Variants in ENTREP2 observed in about 807,000 individuals in gnomAD.
The protein encoded by ENTREP2 is protein ENTREP2.
the ENTREP2 span, among the ~76,000 whole-genome samples, chr15:29,594,514 A>G: frequency 2.6e-5 from 4 of 152,094 alleles, no homozygotes; most frequent in Admixed American, 2.6e-4. Flanking sequence ...CTATTAAACT[A>G]TAAGAATCGA....
At chr15:29,327,117 A>G in the ENTREP2 span, among the ~76,000 whole-genome samples, 1 of 152,192 alleles carries the variant, frequency 6.6e-6, no homozygotes, top group Non-Finnish European at 1.5e-5. Flanking sequence ...AAGTTCTTTA[A>G]GAAAACACAG....
the ENTREP2 span, among the ~76,000 whole-genome samples, chr15:29,178,215 G>T: frequency 1.3e-5 from 2 of 151,034 alleles, no homozygotes; most frequent in African/African-American, 4.9e-5. Context: ...GATGGCTGGA[G>T]CCTGGGAGGT....
chr15:29,335,018 G>C, the ENTREP2 span, among the ~76,000 whole-genome samples: 1 of 152,118 alleles, frequency 6.6e-6, no homozygotes, highest in Non-Finnish European at 1.5e-5. Flanking sequence ...CCAGCCAACA[G>C]TGGGAACCAA....
the ENTREP2 span, among the ~76,000 whole-genome samples, chr15:29,625,428 C>A: frequency 6.6e-6 from 1 of 152,198 alleles, no homozygotes; most frequent in African/African-American, 2.4e-5. Context: ...TGAAGTCTGG[C>A]TCTGTCGCTC....
At chr15:29,326,455 T>G in the ENTREP2 span, among the ~76,000 whole-genome samples, 1 of 152,094 alleles carries the variant, frequency 6.6e-6, no homozygotes, top group Non-Finnish European at 1.5e-5. Flanking sequence ...AAATTTAAAA[T>G]GTACCATTAA....
At chr15:29,562,324 G>C in the ENTREP2 span, among the ~76,000 whole-genome samples, 1 of 152,200 alleles carries the variant, frequency 6.6e-6, no homozygotes. Flanking sequence ...TTCCTAATTT[G>C]GAGAGGTTTA....
At chr15:29,528,282 G>A in the ENTREP2 span, among the ~76,000 whole-genome samples, 1 of 150,840 alleles carries the variant, frequency 6.6e-6, no homozygotes, top group Non-Finnish European at 1.5e-5. Context: ...ATCAAGATTT[G>A]TAAAACCTCA....
chr15:29,197,180 A>G, the ENTREP2 span, among the ~76,000 whole-genome samples: 1 of 152,240 alleles, frequency 6.6e-6, no homozygotes. Flanking sequence ...GAAGAAAAAA[A>G]TGCATTTCAA....
At chr15:29,403,771 T>C in the ENTREP2 span, among the ~76,000 whole-genome samples, 1 of 152,330 alleles carries the variant, frequency 6.6e-6, no homozygotes, top group South Asian at 2.1e-4. Context: ...CTCCCATTCC[T>C]GACTTAGCCC....
At chr15:29,217,856 T>A in the ENTREP2 span, among the ~76,000 whole-genome samples, 1 of 152,184 alleles carries the variant, frequency 6.6e-6, no homozygotes, top group Non-Finnish European at 1.5e-5. Context: ...GTTTTCTGAT[T>A]CCTTCTCATT....
the ENTREP2 span, among the ~76,000 whole-genome samples, chr15:29,611,769 T>C: frequency 2.0e-5 from 3 of 152,184 alleles, no homozygotes; most frequent in Non-Finnish European, 4.4e-5. Context: ...GTTCGGTGAA[T>C]GAATGAAGCC....
the ENTREP2 span, among the ~76,000 whole-genome samples, chr15:29,446,736 C>G: frequency 6.6e-6 from 1 of 152,228 alleles, no homozygotes; most frequent in Non-Finnish European, 1.5e-5. Context: ...CCAAACAGGT[C>G]TCCCTGTGGA....
At chr15:29,592,248 CA>C in the ENTREP2 span, among the ~76,000 whole-genome samples, 1 of 152,200 alleles carries the variant, frequency 6.6e-6, no homozygotes, top group East Asian at 1.9e-4. Context: ...TCATCTGTGC[CA>C]AAATCAGGCA....
chr15:29,444,481 TTTC>T, the ENTREP2 span, among the ~76,000 whole-genome samples: 4 of 151,170 alleles, frequency 2.6e-5, no homozygotes, highest in African/African-American at 9.7e-5. Context: ...TTTTCTTTTT[TTTC>T]TTTTTTTTTT....
chr15:29,125,382 G>A, the ENTREP2 span, among the ~76,000 whole-genome samples: 5 of 152,292 alleles, frequency 3.3e-5, no homozygotes, highest in African/African-American at 7.2e-5. Flanking sequence ...AGAGATGACC[G>A]CAGCCAGGGA....
chr15:29,663,494 A>C, the ENTREP2 span, among the ~76,000 whole-genome samples: 1 of 152,234 alleles, frequency 6.6e-6, no homozygotes, highest in Non-Finnish European at 1.5e-5. Context: ...CTGGATTAAG[A>C]AAATGTGGCA....
the ENTREP2 span, among the ~76,000 whole-genome samples, chr15:29,632,211 T>G: frequency 2.6e-5 from 4 of 152,082 alleles, no homozygotes; most frequent in African/African-American, 4.8e-5. Flanking sequence ...AGTCTTGAGT[T>G]CTCGAACCAG....
At chr15:29,669,055 A>C in the ENTREP2 span, among the ~76,000 whole-genome samples, 3 of 152,274 alleles carry the variant, frequency 2.0e-5, no homozygotes, top group Middle Eastern at 3.4e-3. Context: ...AAAATACAAA[A>C]ATTAGCTGAG....
chr15:29,269,144 T>C, the ENTREP2 span: 1 of 1,614,128 alleles, frequency 6.2e-7, no homozygotes, highest in Non-Finnish European at 8.5e-7. Flanking sequence ...TTGCCCTTCA[T>C]AAAGATGAGC....
Sources: allele counts gnomAD v4.1 joint callset (sites outside exome capture counted in the v4.1 genomes callset), GRCh38; gene constraint gnomAD v4.1.1; transcripts MANE v1.5; gene names NCBI Gene and HGNC (gene_info 2026-07-23, HGNC 2026-07-21).